Variants in DGLUCY observed in about 807,000 individuals in gnomAD.
The protein encoded by DGLUCY is D-glutamate cyclase.
DGLUCY carries 58 observed loss-of-function variants against 58.5 expected under a neutral mutation model. That is an observed-to-expected ratio of 0.99 (90% CI 0.80 to 1.23). The LOEUF (loss-of-function observed/expected upper bound fraction) is 1.23. Among genes scored for constraint, DGLUCY ranks in the 50% most tolerant of loss-of-function variants. The pLI is 0.00. For missense variants in DGLUCY, 779 were observed against 784.7 expected (o/e 0.99, Z 0.09); for synonymous variants, 325 against 314.1 (o/e 1.03, Z -0.37).
intron 7 of DGLUCY, 27 bp downstream of exon 7, chr14:91,176,083 G>A (rs781285360): frequency 3.0e-5 from 49 of 1,612,486 alleles, no homozygotes; most frequent in East Asian, 2.2e-4. Context: ...TGGGACAATC[G>A]ATCTGCCCTA....
chr14:91,144,670 A>G (rs2046920043), intron 1 of DGLUCY, among the ~76,000 whole-genome samples: 1 of 152,172 alleles, frequency 6.6e-6, no homozygotes, highest in Admixed American at 6.5e-5. Flanking sequence ...CTTAAGTGGC[A>G]TGCTCTGTCC....
chr14:91,097,814 C>T (rs1216708725), intron 1 of DGLUCY, among the ~76,000 whole-genome samples: 2 of 152,140 alleles, frequency 1.3e-5, no homozygotes, highest in Admixed American at 1.3e-4. Flanking sequence ...GCTGGGATTA[C>T]AGGCGTGTGC....
At chr14:91,182,973 T>C (rs2049280393) in intron 8 of DGLUCY, among the ~76,000 whole-genome samples, 1 of 150,878 alleles carries the variant, frequency 6.6e-6, no homozygotes, top group Non-Finnish European at 1.5e-5. Flanking sequence ...TTTTTTATTT[T>C]AGTTTAGTTT....
chr14:91,167,478 C>A (rs769213852), intron 4 of DGLUCY, 100 bp downstream of exon 4: 2 of 1,473,954 alleles, frequency 1.4e-6, no homozygotes, highest in Non-Finnish European at 1.9e-6. Context: ...GCCTCAGGGA[C>A]CTTCACAGTG....
intron 1 of DGLUCY, among the ~76,000 whole-genome samples, chr14:91,137,229 T>C (rs1252515322): frequency 6.6e-6 from 1 of 151,758 alleles, no homozygotes; most frequent in East Asian, 1.9e-4. Context: ...CACCCCAGGT[T>C]CCCAAATTGC....
intron 13 of DGLUCY, among the ~76,000 whole-genome samples, chr14:91,218,404 AT>A (rs35615811): frequency 0.61 from 88,903 of 145,930 alleles, 27,301 homozygotes; most frequent in East Asian, 0.73. Context: ...TAAAATGGGG[AT>A]TTTTTTTTTT....
At chr14:91,177,427 AAGAAAT>A (rs1209064750) in intron 7 of DGLUCY, among the ~76,000 whole-genome samples, 2 of 152,248 alleles carry the variant, frequency 1.3e-5, no homozygotes, top group Admixed American at 6.5e-5. Context: ...AGGTGAAGCC[AAGAAAT>A]ATAACTAAAC....
intron 3 of DGLUCY, among the ~76,000 whole-genome samples, chr14:91,161,562 G>A (rs531937111): frequency 6.4e-4 from 97 of 152,282 alleles, no homozygotes; most frequent in African/African-American, 2.2e-3. Flanking sequence ...TCTTCTCCAT[G>A]AAGCCTCTTC....
At chr14:91,172,413 G>A (rs543219798) in intron 5 of DGLUCY, among the ~76,000 whole-genome samples, 2 of 152,216 alleles carry the variant, frequency 1.3e-5, no homozygotes, top group Non-Finnish European at 1.5e-5. Flanking sequence ...CTCACATTTA[G>A]CATTTCCTTC....
intron 3 of DGLUCY, 86 bp downstream of exon 3, chr14:91,160,483 T>C (rs2047921200): frequency 1.1e-6 from 1 of 898,802 alleles, no homozygotes; most frequent in African/African-American, 1.8e-5. Flanking sequence ...GCCCACAAAC[T>C]CCTAAGACTT....
intron 1 of DGLUCY, among the ~76,000 whole-genome samples, chr14:91,096,002 C>T (rs1161186217): frequency 6.6e-6 from 1 of 152,170 alleles, no homozygotes; most frequent in Non-Finnish European, 1.5e-5. Flanking sequence ...GAATTTCACT[C>T]ATGGCCTCTG....
chr14:91,219,589 A>G (rs762024769), intron 13 of DGLUCY, among the ~76,000 whole-genome samples: 13 of 152,168 alleles, frequency 8.5e-5, no homozygotes, highest in Non-Finnish European at 1.3e-4. Flanking sequence ...AGGGGTTCTT[A>G]AGGATCTCAC....
chr14:91,216,012 AG>A, intron 13 of DGLUCY: 1 of 312,354 alleles, frequency 3.2e-6, no homozygotes, highest in Admixed American at 4.6e-5. Context: ...GAAAGTGCTA[AG>A]GGGGACAGAC....
chr14:91,107,474 C>T (rs142413625), upstream of DGLUCY, among the ~76,000 whole-genome samples: 784 of 151,894 alleles, frequency 5.2e-3, 12 homozygotes, highest in African/African-American at 0.018. Flanking sequence ...GCTGAGATCG[C>T]GCCACTGCAC....
At chr14:91,141,847 G>A (rs1258911352) in intron 1 of DGLUCY, among the ~76,000 whole-genome samples, 1 of 147,342 alleles carries the variant, frequency 6.8e-6, no homozygotes, top group East Asian at 2.1e-4. Flanking sequence ...CACTGCGCCC[G>A]GCCTTTTTTT....
chr14:91,150,049 C>T (rs909575580), intron 1 of DGLUCY, among the ~76,000 whole-genome samples: 3 of 151,542 alleles, frequency 2.0e-5, no homozygotes, highest in South Asian at 2.1e-4. Flanking sequence ...TGAAACCCTG[C>T]CTCTACTAAA....
intron 1 of DGLUCY, among the ~76,000 whole-genome samples, chr14:91,144,561 C>T (rs2046914650): frequency 1.3e-5 from 2 of 151,802 alleles, no homozygotes; most frequent in African/African-American, 4.8e-5. Context: ...CTGCGTATCA[C>T]AAAAAAAGGA....
chr14:91,121,040 C>G (rs769584713), intron 1 of DGLUCY, among the ~76,000 whole-genome samples: 3 of 152,116 alleles, frequency 2.0e-5, no homozygotes, highest in Non-Finnish European at 2.9e-5. Context: ...TCTTCCCAGC[C>G]CCTCTCCCTC....
chr14:91,138,446 G>A (rs906990032), intron 1 of DGLUCY, among the ~76,000 whole-genome samples: 3 of 152,036 alleles, frequency 2.0e-5, no homozygotes, highest in African/African-American at 7.2e-5. Flanking sequence ...GGCCAAGATT[G>A]CGCCATTGCA....
Sources: gnomAD v4.1 joint callset for allele counts (sites outside exome capture counted in the v4.1 genomes callset) on GRCh38, gnomAD v4.1.1 for gene constraint, MANE v1.5 for transcripts, NCBI Gene and HGNC (gene_info 2026-07-23, HGNC 2026-07-21) for gene names.